EFCAB5: variants seen among roughly 807,000 people sequenced by gnomAD.
EFCAB5 encodes EF-hand calcium binding domain 5.
EFCAB5 carries 131 observed loss-of-function variants against 167.9 expected under a neutral mutation model. That is an observed-to-expected ratio of 0.78 (90% CI 0.68 to 0.90). The LOEUF (loss-of-function observed/expected upper bound fraction) is 0.90, where lower values mean the gene tolerates loss of function less well. EFCAB5 is among the 40% of genes least tolerant of loss of function. The pLI, the probability that EFCAB5 is intolerant of heterozygous loss-of-function variation, is 0.00. For synonymous variants in EFCAB5, 574 were observed against 602.8 expected (o/e 0.95, Z 0.70); for missense variants, 1,663 against 1,745.2 (o/e 0.95, Z 0.84).
At chr17:29,958,896 A>G (rs1194659165) in intron 3 of EFCAB5, among the ~76,000 whole-genome samples, 2 of 152,208 alleles carry the variant, frequency 1.3e-5, no homozygotes, top group Non-Finnish European at 1.5e-5. Context: ...TTGTAGAGGT[A>G]CTGCCTTGGT....
intron 7 of EFCAB5, among the ~76,000 whole-genome samples, chr17:30,018,394 A>T (rs2069098779): frequency 6.6e-6 from 1 of 151,908 alleles, no homozygotes; most frequent in Non-Finnish European, 1.5e-5. Context: ...TTTAAGTAGA[A>T]TTGTCTTGGT....
chr17:29,965,552 A>G (rs925064855), intron 3 of EFCAB5, among the ~76,000 whole-genome samples: 15 of 152,180 alleles, frequency 9.9e-5, no homozygotes, highest in Non-Finnish European at 5.9e-5. Context: ...TGTTAGGACT[A>G]ATTTTAATTT....
intron 14 of EFCAB5, among the ~76,000 whole-genome samples, chr17:30,077,977 G>A (rs2070902035): frequency 6.6e-6 from 1 of 152,132 alleles, no homozygotes; most frequent in Non-Finnish European, 1.5e-5. Context: ...GTTTCACCAG[G>A]CTAGGTGGTA....
At chr17:30,079,675 T>C (rs2070943582) in intron 15 of EFCAB5, among the ~76,000 whole-genome samples, 2 of 152,076 alleles carry the variant, frequency 1.3e-5, no homozygotes, top group African/African-American at 4.8e-5. Flanking sequence ...GGTCAAGAAA[T>C]ATGAGTGAAG....
At chr17:29,932,692 A>G (rs1344533609) in intron 1 of EFCAB5, among the ~76,000 whole-genome samples, 1 of 152,110 alleles carries the variant, frequency 6.6e-6, no homozygotes, top group Non-Finnish European at 1.5e-5. Context: ...TCCTGACCCC[A>G]GATGATCCAC....
intron 1 of EFCAB5, among the ~76,000 whole-genome samples, chr17:29,934,906 T>A (rs2067232422): frequency 6.6e-6 from 1 of 152,174 alleles, no homozygotes; most frequent in African/African-American, 2.4e-5. Context: ...TCAGGCTGAA[T>A]AGATCCCTAT....
At chr17:29,932,008 A>C (rs2067202435) in intron 1 of EFCAB5, among the ~76,000 whole-genome samples, 1 of 152,138 alleles carries the variant, frequency 6.6e-6, no homozygotes, top group South Asian at 2.1e-4. Context: ...CAGCTCTAAA[A>C]CCTTATGCAA....
rs761504669 is a variant in EFCAB5 at position 29,993,331 on chromosome 17, T to C, written c.924+10T>C. 8 of 1,607,880 alleles carry C rather than the reference T, an allele frequency of 5.0e-6. No homozygotes were observed. The South Asian group carries it at 5.5e-5, about 11-fold the overall frequency. On this transcript the variant is annotated intron_variant, in intron 5 of 22. Transcript: ENST00000394835. ...GATTCCTAAGTCAGTGGTAAGAAAATTGGGGGTATATGTGAAAGGTAGGTG... is the reference window on the plus strand; with the variant it reads ...GATTCCTAAGTCAGTGGTAAGAAAACTGGGGGTATATGTGAAAGGTAGGTG...
At chr17:29,974,714 G>A (rs565974901) in intron 4 of EFCAB5, among the ~76,000 whole-genome samples, 2 of 152,222 alleles carry the variant, frequency 1.3e-5, no homozygotes, top group South Asian at 4.1e-4. Flanking sequence ...AAATGAAAGC[G>A]TTTTGCCAGG....
At chr17:30,097,520 A>G (rs1307749628) in intron 22 of EFCAB5, among the ~76,000 whole-genome samples, 1 of 152,186 alleles carries the variant, frequency 6.6e-6, no homozygotes, top group Non-Finnish European at 1.5e-5. Flanking sequence ...TATTTCTGTT[A>G]TGCACATATT....
chr17:29,958,483 A>AT (rs781446406), intron 3 of EFCAB5, among the ~76,000 whole-genome samples: 35 of 152,164 alleles, frequency 2.3e-4, no homozygotes, highest in Admixed American at 1.4e-3. Flanking sequence ...TTTCTGCTTG[A>AT]TTTTTAAAAG....
intron 6 of EFCAB5, among the ~76,000 whole-genome samples, chr17:29,997,118 G>A (rs754475509): frequency 2.0e-5 from 3 of 151,850 alleles, no homozygotes; most frequent in African/African-American, 4.8e-5. Flanking sequence ...GGTGGCGGGC[G>A]TCCGTAATCT....
chr17:30,083,265 G>A (rs1344229993), intron 18 of EFCAB5, among the ~76,000 whole-genome samples: 1 of 152,216 alleles, frequency 6.6e-6, no homozygotes, highest in African/African-American at 2.4e-5. Context: ...AGACAGGGCA[G>A]GAGTCAAGCT....
intron 14 of EFCAB5, among the ~76,000 whole-genome samples, chr17:30,060,366 A>G (rs1388889090): frequency 1.3e-5 from 2 of 152,016 alleles, no homozygotes; most frequent in Admixed American, 6.6e-5. Flanking sequence ...CTCCTTAGTG[A>G]CTTTTTGTGT....
At chr17:29,940,157 C>A (rs2151511355), upstream of EFCAB5, among the ~76,000 whole-genome samples, 1 of 151,894 alleles carries the variant, frequency 6.6e-6, no homozygotes, top group East Asian at 1.9e-4. Context: ...CTCGCTGCAA[C>A]CTCCGCCTCC....
chr17:30,012,761 C>G (rs1440961557), intron 7 of EFCAB5, among the ~76,000 whole-genome samples: 3 of 152,110 alleles, frequency 2.0e-5, no homozygotes, highest in Admixed American at 1.3e-4. Flanking sequence ...ACCCGCCGAC[C>G]CTGTGGGACT....
Position 30,059,678 on chromosome 17 carries a change from T to A in EFCAB5, c.2714T>A (p.Met905Lys), listed in dbSNP as rs1223796810. 1.3e-6 allele frequency: 2 copies of A among 1,593,060 alleles called. No homozygotes were observed. The highest frequency in any genetic ancestry group is 4.5e-5 in the East Asian group (2 of 44,650). Residue 905 changes from methionine (M) to lysine (K), a missense_variant, in exon 14 of 23, where the codon ATG becomes AAG. By Grantham distance (95) the Met-to-Lys change is moderately conservative. Coordinates refer to ENST00000394835, the MANE Select transcript of EFCAB5 (RefSeq NM_198529.4). ...CTCTTGTACACATACAAGGAGGGAA[T>A]GGAAAAAGAATCTATGAAGAAAGGT... Reference protein sequence around the residue: ...DELLYTYKEGMEKESMKKAKL... With the variant: ...DELLYTYKEGKEKESMKKAKL...
rs1555554320 is a variant in EFCAB5 at position 29,994,167 on chromosome 17, T to TATAC, written c.924+849_924+850insCATA. ...ATATATATATATATATATATATATA[T>TATAC]ATATATATATGTGATATATATATCA... On this transcript the variant is annotated intron_variant, in intron 5 of 22. Transcript: ENST00000394835. 2.3e-4 allele frequency among the ~76,000 whole-genome samples: 31 copies of TATAC among 132,230 alleles called. 2 individuals are homozygous for TATAC. Among genetic ancestry groups the TATAC allele is most frequent in the Admixed American group, 9.2e-4 (12 of 13,052 alleles). 86.7% of individuals were successfully genotyped at this position (132,230 alleles called of 152,430 possible).
At chr17:30,098,223 C>T (rs557017588) in intron 22 of EFCAB5, among the ~76,000 whole-genome samples, 24 of 151,714 alleles carry the variant, frequency 1.6e-4, no homozygotes, top group African/African-American at 5.8e-4. Context: ...ACGTGAGCCA[C>T]CATACCCAGG....
Sources: gnomAD v4.1 joint callset for allele counts (sites outside exome capture counted in the v4.1 genomes callset) on GRCh38, gnomAD v4.1.1 for gene constraint, MANE v1.5 for transcripts, NCBI Gene and HGNC (gene_info 2026-07-23, HGNC 2026-07-21) for gene names.